Variants in TNS1 observed in about 807,000 individuals in gnomAD.
TNS1 encodes the protein tensin-1.
In TNS1, 62 loss-of-function variants were observed where a neutral mutation model predicts 168.6. The observed-to-expected ratio is 0.37, with a 90% CI of 0.30 to 0.45. The LOEUF (loss-of-function observed/expected upper bound fraction) is 0.45, where lower values mean the gene tolerates loss of function less well. TNS1 is among the 20% of genes least tolerant of loss of function. The pLI is 1.00. For missense variants in TNS1, 2,240 were observed against 2,339.4 expected (o/e 0.96, Z 0.88); for synonymous variants, 934 against 933.2 (o/e 1.00, Z -0.02).
chr2:217,995,652 ACGGAGCACACCC>A lies in TNS1; in HGVS notation c.34-4608_34-4597del, dbSNP rs1958456077. On this transcript the variant is annotated intron_variant, in intron 1 of 32. Transcript: ENST00000682258. The surrounding 1 kb of genome is among the most constrained non-coding windows in gnomAD (Gnocchi z 4.1). ...TTCCTGACAAGTGGCAGACGGCCTC[ACGGAGCACACCC>A]CGGGGCCCTTCCTTTGCTGGCTGCA... Among the ~76,000 whole-genome samples the A allele has an allele frequency of 3.3e-5, 5 of 152,240 alleles. No individual in the cohort carries two copies. The South Asian group carries it at 1.0e-3, about 32-fold the overall frequency.
chr2:217,938,563 T>G (rs1053580073), intron 3 of TNS1, among the ~76,000 whole-genome samples: 4 of 152,228 alleles, frequency 2.6e-5, no homozygotes, highest in African/African-American at 9.6e-5. Flanking sequence ...CACAATAATT[T>G]GAAGCAGTTA....
At chr2:218,024,870 G>A (rs146774625) in intron 1 of TNS1, among the ~76,000 whole-genome samples, 3 of 152,186 alleles carry the variant, frequency 2.0e-5, no homozygotes, top group Non-Finnish European at 2.9e-5. Flanking sequence ...AAGGAGAAAC[G>A]GGGAGGGGAA....
Position 217,907,206 on chromosome 2 carries a change from T to C in TNS1, c.270+4A>G, listed in dbSNP as rs1292358300. 2.8e-6 allele frequency: 2 copies of C among 702,998 alleles called. No homozygotes were observed. The highest frequency in any genetic ancestry group is 5.2e-6 in the Non-Finnish European group (2 of 384,952). The allele number at this position is 702,998 out of a possible 1,614,324, so 43.5% of individuals were successfully genotyped here. A position where few individuals can be genotyped will look rare whatever the true frequency, so the allele number is the denominator to read the frequency against. Reference sequence around the variant, plus strand: ...CTCCCCCACCACCACCTGCCATCACTCACCTTGTCCACTACATTCTTTGGT... The same window carrying C: ...CTCCCCCACCACCACCTGCCATCACCCACCTTGTCCACTACATTCTTTGGT... On this transcript the variant is annotated splice_donor_region_variant and intron_variant, in intron 5 of 32. Transcript: ENST00000682258.
At chr2:217,831,378 A>G (rs1455231632) in intron 22 of TNS1, 77 bp downstream of exon 22, 14 of 1,319,984 alleles carry the variant, frequency 1.1e-5, no homozygotes, top group Non-Finnish European at 1.4e-5. Flanking sequence ...AGATTCTGAG[A>G]CCCGGGTTTC....
intron 1 of TNS1, among the ~76,000 whole-genome samples, chr2:217,994,790 T>C (rs1958439260): frequency 6.6e-6 from 1 of 152,262 alleles, no homozygotes; most frequent in South Asian, 2.1e-4. Context: ...GGTCCATCTC[T>C]GCCCTTGCTT....
At chr2:217,866,916 TG>T (rs1949330596) in intron 18 of TNS1, among the ~76,000 whole-genome samples, 1 of 152,168 alleles carries the variant, frequency 6.6e-6, no homozygotes. Flanking sequence ...CCCAACTGCA[TG>T]GGGCAGCAGG....
At chr2:217,882,733 A>T (rs1210819586) in intron 16 of TNS1, among the ~76,000 whole-genome samples, 1 of 151,936 alleles carries the variant, frequency 6.6e-6, no homozygotes, top group African/African-American at 2.4e-5. Context: ...TCTAGATCCC[A>T]ATTTTATTTT....
At chr2:217,994,760 AG>A (rs1261756106) in intron 1 of TNS1, among the ~76,000 whole-genome samples, 6 of 152,186 alleles carry the variant, frequency 3.9e-5, no homozygotes, top group African/African-American at 1.4e-4. Context: ...TGGGGCCTGG[AG>A]GGCAGGGACA....
chr2:217,882,843 T>A, intron 16 of TNS1, among the ~76,000 whole-genome samples: 1 of 152,206 alleles, frequency 6.6e-6, no homozygotes, highest in East Asian at 1.9e-4. Context: ...TCACCCTAGA[T>A]GGAGTACAGT....
intron 22 of TNS1, chr2:217,829,875 A>G (rs1267210474): frequency 6.2e-7 from 1 of 1,613,748 alleles, no homozygotes; most frequent in Non-Finnish European, 8.5e-7. Flanking sequence ...CCTTCCCCTC[A>G]TCTTCCTCTG....
chr2:217,842,053 T>C, intron 19 of TNS1: 2 of 702,888 alleles, frequency 2.8e-6, no homozygotes, highest in Non-Finnish European at 5.2e-6. Context: ...CTATGTTACC[T>C]TTCCTCTCCT....
chr2:217,804,870 G>A (rs1046363583), intron 32 of TNS1, among the ~76,000 whole-genome samples: 1 of 152,152 alleles, frequency 6.6e-6, no homozygotes, highest in Non-Finnish European at 1.5e-5. Context: ...AGCTGCAGAG[G>A]ATTGACAAGG....
chr2:217,876,517 C>T (rs1054504814), intron 18 of TNS1, among the ~76,000 whole-genome samples: 2 of 152,158 alleles, frequency 1.3e-5, no homozygotes, highest in Non-Finnish European at 2.9e-5. Flanking sequence ...TCCTTCCTCC[C>T]ACTCAGGATC....
intron 1 of TNS1, among the ~76,000 whole-genome samples, chr2:218,018,733 A>G (rs1324660655): frequency 2.6e-5 from 4 of 152,244 alleles, no homozygotes; most frequent in African/African-American, 7.2e-5. Context: ...GAAAGGGGAC[A>G]GACACATTTT....
At chr2:217,962,086 A>C (rs902768426) in intron 3 of TNS1, among the ~76,000 whole-genome samples, 5 of 152,216 alleles carry the variant, frequency 3.3e-5, no homozygotes, top group African/African-American at 1.2e-4. Flanking sequence ...CCTTACAATA[A>C]ATTTCTTAAT....
chr2:217,842,157 C>A, intron 19 of TNS1: 1 of 702,504 alleles, frequency 1.4e-6, no homozygotes, highest in East Asian at 2.7e-5. Flanking sequence ...TCCTTGGGAC[C>A]TCTCCTTACC....
chr2:217,878,220 G>A (rs899203836), intron 18 of TNS1, among the ~76,000 whole-genome samples: 2 of 152,254 alleles, frequency 1.3e-5, no homozygotes, highest in East Asian at 1.9e-4. Flanking sequence ...CACCCCCCTC[G>A]CCTAACCCTC....
At chr2:217,996,952 C>G (rs13411991) in intron 1 of TNS1, among the ~76,000 whole-genome samples, 7,203 of 152,052 alleles carry the variant, frequency 0.047, 498 homozygotes, top group African/African-American at 0.15. Flanking sequence ...CCCCAAGATC[C>G]ACTTCCCGGC....
At chr2:217,997,297 T>C (rs1958488620) in intron 1 of TNS1, among the ~76,000 whole-genome samples, 1 of 152,190 alleles carries the variant, frequency 6.6e-6, no homozygotes, top group South Asian at 2.1e-4. Context: ...AATACAGTCA[T>C]TCTACTGCCC....
Sources: gnomAD v4.1 joint callset for allele counts (sites outside exome capture counted in the v4.1 genomes callset) on GRCh38, gnomAD v4.1.1 for gene constraint, Gnocchi (gnomAD v3.1) non-coding constraint, MANE v1.5 for transcripts, NCBI Gene and HGNC (gene_info 2026-07-23, HGNC 2026-07-21) for gene names.